The following DEUP1 variants were observed in gnomAD, a reference collection of about 807,000 sequenced individuals.
DEUP1 encodes the protein deuterosome assembly protein 1.
A neutral mutation model predicts 87.4 loss-of-function variants in DEUP1; 82 were observed. That is an observed-to-expected ratio of 0.94 (90% confidence interval 0.78 to 1.13). The LOEUF (loss-of-function observed/expected upper bound fraction) is 1.13. Ranked by LOEUF, DEUP1 falls within the 50% of genes most tolerant of loss-of-function variation. The pLI is 0.00. For synonymous variants in DEUP1, 214 were observed against 222.7 expected (o/e 0.96, Z 0.35); for missense variants, 663 against 681.5 (o/e 0.97, Z 0.30).
intron 12 of DEUP1, among the ~76,000 whole-genome samples, chr11:93,409,674 A>G (rs1041760548): frequency 4.6e-5 from 7 of 152,148 alleles, no homozygotes; most frequent in African/African-American, 1.4e-4. Flanking sequence ...AAAACCTTCT[A>G]TTTTGTTGTT....
In DEUP1 at chr11:93,437,901, CT is replaced by C; in HGVS notation, c.*183del. The C allele has an allele frequency of 2.1e-6, 1 of 483,290 alleles. No homozygotes were observed. The highest frequency in any genetic ancestry group is 2.4e-5 in the South Asian group (1 of 41,182). 29.9% of individuals were successfully genotyped at this position (483,290 alleles called of 1,614,324 possible). On this transcript the variant is annotated 3_prime_UTR_variant, in exon 14 of 14. Coordinates refer to ENST00000298050, the MANE Select transcript of DEUP1 (RefSeq NM_181645.4). ...TTGTTCTATAAAGCTGTTCACATTTCTGCATTAACATGCTAAATTGTCCTGC... is the reference window on the plus strand; with the variant it reads ...TTGTTCTATAAAGCTGTTCACATTTCGCATTAACATGCTAAATTGTCCTGC...
chr11:93,350,512 T>A (rs1175993053), intron 2 of DEUP1, among the ~76,000 whole-genome samples: 28 of 152,196 alleles, frequency 1.8e-4, no homozygotes, highest in Admixed American at 1.8e-3. Context: ...ATAACTTATT[T>A]GCAGTGATAT....
chr11:93,357,771 A>G (rs1010525256), intron 4 of DEUP1, among the ~76,000 whole-genome samples: 1 of 152,190 alleles, frequency 6.6e-6, no homozygotes, highest in Non-Finnish European at 1.5e-5. Context: ...AATTTAATTA[A>G]AGGAGCCTAA....
chr11:93,405,267 G>C (rs1947236303), intron 11 of DEUP1, among the ~76,000 whole-genome samples: 2 of 151,964 alleles, frequency 1.3e-5, no homozygotes, highest in South Asian at 4.2e-4. Context: ...ATAAGACCCT[G>C]CCTCCTTTAT....
intron 2 of DEUP1, among the ~76,000 whole-genome samples, chr11:93,337,017 T>G (rs1359552544): frequency 1.3e-5 from 2 of 152,222 alleles, no homozygotes; most frequent in Admixed American, 1.3e-4. Context: ...ATTCTGTGAC[T>G]TTTATCTTAG....
chr11:93,418,791 A>G (rs1264433340), intron 13 of DEUP1, among the ~76,000 whole-genome samples: 1 of 152,138 alleles, frequency 6.6e-6, no homozygotes, highest in African/African-American at 2.4e-5. Context: ...CCAAATGTCC[A>G]ACAATGATAG....
chr11:93,418,318 C>T (rs2134460516), intron 13 of DEUP1, among the ~76,000 whole-genome samples: 1 of 152,112 alleles, frequency 6.6e-6, no homozygotes, highest in Admixed American at 6.5e-5. Context: ...CTACAATCAA[C>T]TCAAACAAAT....
intron 11 of DEUP1, among the ~76,000 whole-genome samples, chr11:93,396,625 T>C (rs1946953499): frequency 6.6e-6 from 1 of 152,184 alleles, no homozygotes. Context: ...CTACATCCTA[T>C]GTGGCCTGAT....
intron 2 of DEUP1, among the ~76,000 whole-genome samples, chr11:93,353,306 AG>A (rs1483436348): frequency 6.6e-6 from 1 of 152,220 alleles, no homozygotes; most frequent in Non-Finnish European, 1.5e-5. Context: ...CTGATGCAAA[AG>A]GTGGGTTCCC....
chr11:93,371,013 G>T (rs1250644056), intron 6 of DEUP1, 25 bp from the exon 7 acceptor site: 3 of 1,588,530 alleles, frequency 1.9e-6, no homozygotes, highest in South Asian at 1.1e-5. Context: ...CTTCATTTGA[G>T]TTACACAGTT....
chr11:93,415,435 A>G (rs1408667959), intron 13 of DEUP1, among the ~76,000 whole-genome samples: 2 of 152,146 alleles, frequency 1.3e-5, no homozygotes. Flanking sequence ...AAGGATCCGT[A>G]TATTTTAAAG....
Position 93,402,624 on chromosome 11 carries a change from G to A in DEUP1, c.1327-5607G>A, listed in dbSNP as rs535615018. 5.3e-5 allele frequency among the ~76,000 whole-genome samples: 8 copies of A among 151,942 alleles called. No individual in the cohort carries two copies. In the East Asian group the frequency reaches 1.2e-3, roughly 22 times the overall value. ...TCAACTTAAGTGCTTATCAGTGGAC[G>A]AATGGATTAAGAAATGTGGTATATA... On this transcript the variant is annotated intron_variant, in intron 11 of 13. Transcript: ENST00000298050.
intron 4 of DEUP1, 53 bp downstream of exon 4, chr11:93,357,096 A>T (rs1170460300): frequency 9.2e-7 from 1 of 1,084,710 alleles, no homozygotes; most frequent in African/African-American, 1.6e-5. Flanking sequence ...ATTTTTTTTT[A>T]CCTGTAGAGT....
intron 4 of DEUP1, among the ~76,000 whole-genome samples, chr11:93,362,255 C>T (rs1382135265): frequency 6.6e-6 from 1 of 151,894 alleles, no homozygotes; most frequent in Non-Finnish European, 1.5e-5. Flanking sequence ...TCAAAGGACA[C>T]CATCAGGAAA....
intron 2 of DEUP1, among the ~76,000 whole-genome samples, chr11:93,346,970 G>A (rs2134183015): frequency 6.6e-6 from 1 of 152,176 alleles, no homozygotes; most frequent in Admixed American, 6.5e-5. Context: ...TCTAGATATA[G>A]GATCATGTCA....
At chr11:93,361,559 C>G (rs1479993126) in intron 4 of DEUP1, among the ~76,000 whole-genome samples, 1 of 152,002 alleles carries the variant, frequency 6.6e-6, no homozygotes, top group Non-Finnish European at 1.5e-5. Flanking sequence ...GGAAAGATGT[C>G]AAACACCAAT....
At chr11:93,383,215 A>C (rs954992261) in intron 7 of DEUP1, among the ~76,000 whole-genome samples, 2 of 152,248 alleles carry the variant, frequency 1.3e-5, no homozygotes, top group African/African-American at 2.4e-5. Context: ...AAACAACCCA[A>C]ATGTCCATCA....
chr11:93,434,728 C>T (rs117960282), intron 13 of DEUP1, among the ~76,000 whole-genome samples: 2 of 152,220 alleles, frequency 1.3e-5, no homozygotes, highest in African/African-American at 4.8e-5. Context: ...AGCACAGATT[C>T]TCCAAGTGGG....
chr11:93,413,194 TA>T lies in DEUP1; in HGVS notation c.1524-1803del, dbSNP rs1474860645. ...GGAGAATTTGAACCATTAGTAAAAATAAATAATTTCAAATTGAAGGGATTTT... is the reference window on the plus strand; with the variant it reads ...GGAGAATTTGAACCATTAGTAAAAATAATAATTTCAAATTGAAGGGATTTT... On this transcript the variant is annotated intron_variant, in intron 12 of 13. Coordinates refer to ENST00000298050, the MANE Select transcript of DEUP1 (RefSeq NM_181645.4). 7.8e-4 allele frequency among the ~76,000 whole-genome samples: 118 copies of T among 151,732 alleles called. 1 individual carries two copies. The highest frequency in any genetic ancestry group is 2.8e-4 in the Non-Finnish European group (19 of 67,908).
Sources: allele counts gnomAD v4.1 joint callset (sites outside exome capture counted in the v4.1 genomes callset), GRCh38; gene constraint gnomAD v4.1.1; transcripts MANE v1.5; gene names NCBI Gene and HGNC (gene_info 2026-07-23, HGNC 2026-07-21).